ROBO2: variants seen among roughly 807,000 people sequenced by gnomAD.
ROBO2 encodes the protein roundabout homolog 2.
ROBO2 carries 53 observed loss-of-function variants against 160.8 expected under a neutral mutation model. The ratio of observed to expected loss-of-function variants is 0.33; its 90% CI spans 0.26 to 0.41. ROBO2 has a LOEUF of 0.41. Ranked by LOEUF, ROBO2 falls within the 10% of genes least tolerant of loss-of-function variation. The pLI is 1.00. For synonymous variants in ROBO2, 664 were observed against 611.7 expected (o/e 1.09, Z -1.26); for missense variants, 1,577 against 1,722.4 (o/e 0.92, Z 1.49).
intron 2 of ROBO2, among the ~76,000 whole-genome samples, chr3:76,983,977 A>G (rs2060236047): frequency 6.6e-6 from 1 of 152,198 alleles, no homozygotes; most frequent in Admixed American, 6.5e-5. Flanking sequence ...CAGAATGCAA[A>G]GGAGACGCAG....
intron 2 of ROBO2, among the ~76,000 whole-genome samples, chr3:77,240,339 C>T (rs2151362570): frequency 6.6e-6 from 1 of 152,294 alleles, no homozygotes; most frequent in South Asian, 2.1e-4. Flanking sequence ...GGTGCTAAGC[C>T]CCTCACTGCC....
At chr3:76,689,816 G>A (rs541380114) in intron 2 of ROBO2, among the ~76,000 whole-genome samples, 91 of 151,840 alleles carry the variant, frequency 6.0e-4, no homozygotes, top group Non-Finnish European at 1.0e-3. Flanking sequence ...CCAGTTCCCC[G>A]TTCTCTCTGT....
At chr3:76,289,461 G>A (rs763072830) in intron 2 of ROBO2, among the ~76,000 whole-genome samples, 3 of 151,986 alleles carry the variant, frequency 2.0e-5, no homozygotes, top group Non-Finnish European at 4.4e-5. Context: ...TCTGCTGATA[G>A]CTTTGTTTGC....
chr3:76,110,206 T>A (rs1485023459), intron 2 of ROBO2, among the ~76,000 whole-genome samples: 1 of 152,036 alleles, frequency 6.6e-6, no homozygotes, highest in Non-Finnish European at 1.5e-5. Context: ...ACTTTGATCA[T>A]AGTAGACGTG....
At position 77,084,270 on chromosome 3, in the gene ROBO2, G is replaced by A. The variant is rs145056624; in HGVS notation, c.62-13744G>A. On this transcript the variant is annotated intron_variant, in intron 1 of 25. Coordinates refer to ENST00000461745, the Ensembl canonical transcript of ROBO2. Reference sequence around the variant, plus strand: ...CTCATTTGAAAGTGGGGAAAATTACGTGGAATATTAGGCAAACATCATTAA... The same window carrying A: ...CTCATTTGAAAGTGGGGAAAATTACATGGAATATTAGGCAAACATCATTAA... 4.8e-3 allele frequency among the ~76,000 whole-genome samples: 737 copies of A among 152,050 alleles called. 4 individuals are homozygous for A. The highest frequency in any genetic ancestry group is 0.016 in the African/African-American group (644 of 41,498).
At chr3:76,059,111 C>T (rs867445036) in intron 2 of ROBO2, among the ~76,000 whole-genome samples, 30 of 151,656 alleles carry the variant, frequency 2.0e-4, no homozygotes, top group South Asian at 1.3e-3. Flanking sequence ...AATAAACATA[C>T]GTGTGCATGT....
At chr3:77,620,171 G>A (rs2094871164) in intron 22 of ROBO2, among the ~76,000 whole-genome samples, 1 of 152,106 alleles carries the variant, frequency 6.6e-6, no homozygotes, top group Non-Finnish European at 1.5e-5. Flanking sequence ...TCCACATCTG[G>A]GAGTTATGAG....
intron 2 of ROBO2, among the ~76,000 whole-genome samples, chr3:77,293,737 G>A (rs1421336516): frequency 1.4e-5 from 2 of 142,640 alleles, no homozygotes; most frequent in East Asian, 3.9e-4. Flanking sequence ...TGGTTAAACG[G>A]GTAAGCTGAG....
chr3:77,556,628 T>C (rs1173475594), intron 8 of ROBO2, among the ~76,000 whole-genome samples: 3 of 151,920 alleles, frequency 2.0e-5, no homozygotes, highest in Non-Finnish European at 4.4e-5. Context: ...AGCTGCCATT[T>C]ATAAAAGCTG....
At chr3:77,440,881 G>A (rs1352999505) in intron 2 of ROBO2, among the ~76,000 whole-genome samples, 2 of 152,188 alleles carry the variant, frequency 1.3e-5, no homozygotes, top group Non-Finnish European at 2.9e-5. Flanking sequence ...TGGTGAGGAC[G>A]GGAGGAGAGG....
chr3:76,613,659 A>G (rs1033073193), intron 2 of ROBO2, among the ~76,000 whole-genome samples: 1 of 151,924 alleles, frequency 6.6e-6, no homozygotes, highest in Non-Finnish European at 1.5e-5. Context: ...GTTAGAGTAC[A>G]ATATGTATTT....
intron 2 of ROBO2, among the ~76,000 whole-genome samples, chr3:75,972,677 A>G (rs111785245): frequency 7.2e-5 from 11 of 151,812 alleles, no homozygotes; most frequent in African/African-American, 2.7e-4. Context: ...TTGAACCAGC[A>G]ACATCAGTAT....
intron 2 of ROBO2, among the ~76,000 whole-genome samples, chr3:77,109,456 G>T (rs1408646824): frequency 2.0e-5 from 3 of 152,148 alleles, no homozygotes; most frequent in Non-Finnish European, 4.4e-5. Flanking sequence ...CATGGCTCTT[G>T]CCATCAAAGA....
intron 2 of ROBO2, among the ~76,000 whole-genome samples, chr3:77,368,449 A>C (rs913710884): frequency 4.6e-5 from 7 of 152,180 alleles, no homozygotes; most frequent in African/African-American, 1.7e-4. Context: ...AAACAAGACA[A>C]AAAAACTTGA....
chr3:76,133,687 T>C (rs2071319665), intron 2 of ROBO2, among the ~76,000 whole-genome samples: 1 of 151,978 alleles, frequency 6.6e-6, no homozygotes, highest in African/African-American at 2.4e-5. Flanking sequence ...GAACTTCGAG[T>C]TGGAGTCTGA....
At chr3:76,526,126 T>C (rs1259028947) in intron 2 of ROBO2, among the ~76,000 whole-genome samples, 2 of 152,004 alleles carry the variant, frequency 1.3e-5, no homozygotes, top group Non-Finnish European at 2.9e-5. Flanking sequence ...ACCTACAAGA[T>C]GATGGAGTCC....
At chr3:77,352,058 T>G (rs1421317112) in intron 2 of ROBO2, among the ~76,000 whole-genome samples, 2 of 150,904 alleles carry the variant, frequency 1.3e-5, no homozygotes, top group Non-Finnish European at 2.9e-5. Flanking sequence ...GTAACAAACC[T>G]GCACATTGTG....
intron 2 of ROBO2, among the ~76,000 whole-genome samples, chr3:76,528,300 C>A (rs2082048544): frequency 6.6e-6 from 1 of 151,948 alleles, no homozygotes; most frequent in Admixed American, 6.6e-5. Context: ...TACAGACAGG[C>A]AAGAGCTGGT....
intron 2 of ROBO2, among the ~76,000 whole-genome samples, chr3:76,063,277 G>A (rs1203111114): frequency 6.6e-6 from 1 of 151,830 alleles, no homozygotes; most frequent in Non-Finnish European, 1.5e-5. Flanking sequence ...TCTAAAAATA[G>A]CTACCATTCA....
Sources: gnomAD v4.1 joint callset for allele counts (sites outside exome capture counted in the v4.1 genomes callset) on GRCh38, gnomAD v4.1.1 for gene constraint, MANE v1.5 for transcripts, NCBI Gene and HGNC (gene_info 2026-07-23, HGNC 2026-07-21) for gene names.